Variants in CSMD1 observed in about 807,000 individuals in gnomAD.
CSMD1 encodes the protein CUB and Sushi multiple domains 1.
A neutral mutation model predicts 417.5 loss-of-function variants in CSMD1; 213 were observed. That is an observed-to-expected ratio of 0.51 (90% CI 0.46 to 0.57). CSMD1 has a LOEUF of 0.57. CSMD1 is among the 20% of genes least tolerant of loss of function. The probability of loss-of-function intolerance (pLI) is 0.00; values close to 1 mark genes in which losing one functional copy is unlikely to be tolerated. For synonymous variants in CSMD1, 2,862 were observed against 1,736.8 expected (o/e 1.65, Z -16.11); for missense variants, 6,923 against 4,529.7 (o/e 1.53, Z -15.17).
chr8:3,461,600 AG>A (rs909512809), intron 12 of CSMD1, among the ~76,000 whole-genome samples: 106 of 152,338 alleles, frequency 7.0e-4, no homozygotes, highest in African/African-American at 2.3e-3. Context: ...AGGAAGAGGA[AG>A]GGCCCCATGA....
rs529409564 is a variant in CSMD1 at position 4,969,244 on chromosome 8, A to T, written c.85+25088T>A. The stretch of plus-strand genomic sequence containing the variant: ...TGTACAACAAACCTAATGCTTAGTA[A>T]GTTAATGTTCTATAAGAATTACTTA... On this transcript the variant is annotated intron_variant, in intron 1 of 69. Coordinates refer to ENST00000635120, the MANE Select transcript of CSMD1 (RefSeq NM_033225.6). Among the ~76,000 whole-genome samples, 5 of 152,208 alleles carry T rather than the reference A, an allele frequency of 3.3e-5. No individual in the cohort carries two copies. The South Asian group carries it at 1.0e-3, about 32-fold the overall frequency.
intron 10 of CSMD1, among the ~76,000 whole-genome samples, chr8:3,521,855 T>C (rs1405175241): frequency 6.6e-6 from 1 of 152,228 alleles, no homozygotes; most frequent in African/African-American, 2.4e-5. Flanking sequence ...ATACTATCTA[T>C]TCTAATACCG....
intron 2 of CSMD1, among the ~76,000 whole-genome samples, chr8:4,596,749 CAT>C (rs1409509363): frequency 6.6e-6 from 1 of 152,168 alleles, no homozygotes; most frequent in Non-Finnish European, 1.5e-5. Context: ...GAAATACACA[CAT>C]GATATGGATT....
chr8:3,359,810 G>C (rs761599629), intron 20 of CSMD1, among the ~76,000 whole-genome samples: 2 of 152,104 alleles, frequency 1.3e-5, no homozygotes, highest in Non-Finnish European at 2.9e-5. Context: ...TAAGTATCTT[G>C]ATATGTTTGT....
At chr8:4,576,941 A>G (rs1227154293) in intron 2 of CSMD1, among the ~76,000 whole-genome samples, 3 of 152,232 alleles carry the variant, frequency 2.0e-5, no homozygotes, top group Admixed American at 6.5e-5. Context: ...TTATGTAGAA[A>G]TCCTCCAAGC....
chr8:4,207,710 G>A (rs537291504), intron 3 of CSMD1, among the ~76,000 whole-genome samples: 4 of 152,058 alleles, frequency 2.6e-5, no homozygotes, highest in Admixed American at 6.6e-5. Context: ...TTTTTCTGAT[G>A]AGTGTATTAA....
intron 23 of CSMD1, among the ~76,000 whole-genome samples, chr8:3,318,670 G>T (rs536294838): frequency 5.3e-5 from 8 of 152,260 alleles, no homozygotes; most frequent in Admixed American, 2.0e-4. Context: ...ATTATAGCAG[G>T]TGCATGACGA....
chr8:4,401,918 G>T (rs1804671253), intron 3 of CSMD1, among the ~76,000 whole-genome samples: 1 of 151,840 alleles, frequency 6.6e-6, no homozygotes, highest in South Asian at 2.1e-4. Flanking sequence ...TCCTCTTATT[G>T]AAGCCATCCA....
At chr8:4,023,118 G>T (rs1028497331) in intron 4 of CSMD1, among the ~76,000 whole-genome samples, 2 of 152,122 alleles carry the variant, frequency 1.3e-5, no homozygotes, top group South Asian at 4.1e-4. Flanking sequence ...GGATGTACAG[G>T]AGATGCACTC....
intron 5 of CSMD1, among the ~76,000 whole-genome samples, chr8:3,945,376 C>G (rs1811154216): frequency 6.6e-6 from 1 of 151,958 alleles, no homozygotes; most frequent in Non-Finnish European, 1.5e-5. Flanking sequence ...AGGTAACAAA[C>G]CTGCACAATA....
intron 2 of CSMD1, among the ~76,000 whole-genome samples, chr8:4,585,504 T>C (rs1162713685): frequency 1.3e-5 from 2 of 152,048 alleles, no homozygotes; most frequent in African/African-American, 2.4e-5. Flanking sequence ...ATGAAAGAAG[T>C]ATTTGAAGAG....
chr8:4,808,618 T>G (rs1015263468), intron 1 of CSMD1, among the ~76,000 whole-genome samples: 29 of 152,174 alleles, frequency 1.9e-4, no homozygotes, highest in Non-Finnish European at 2.9e-5. Flanking sequence ...AAAAATTAAA[T>G]AGAACACAGC....
intron 3 of CSMD1, among the ~76,000 whole-genome samples, chr8:4,070,373 T>C (rs1051960949): frequency 6.6e-6 from 1 of 152,196 alleles, no homozygotes; most frequent in East Asian, 1.9e-4. Flanking sequence ...CCTATAATGT[T>C]TTGAGACAGA....
At chr8:4,069,623 T>C (rs926202887) in intron 3 of CSMD1, among the ~76,000 whole-genome samples, 1 of 152,168 alleles carries the variant, frequency 6.6e-6, no homozygotes, top group Non-Finnish European at 1.5e-5. Context: ...CTGGCCTGTA[T>C]TCCCCTCAAG....
chr8:4,760,124 G>A (rs1359533126), intron 1 of CSMD1, among the ~76,000 whole-genome samples: 1 of 152,134 alleles, frequency 6.6e-6, no homozygotes, highest in African/African-American at 2.4e-5. Context: ...TGAGATCTAA[G>A]CATCTTAATG....
intron 3 of CSMD1, among the ~76,000 whole-genome samples, chr8:4,302,514 G>C (rs776249301): frequency 1.3e-5 from 2 of 152,118 alleles, no homozygotes; most frequent in Non-Finnish European, 2.9e-5. Flanking sequence ...TAGCGTGCTT[G>C]CATGTAGGAA....
chr8:3,935,437 G>C (rs1007659356), intron 5 of CSMD1, among the ~76,000 whole-genome samples: 1 of 152,112 alleles, frequency 6.6e-6, no homozygotes, highest in Non-Finnish European at 1.5e-5. Context: ...AAAAATTGAA[G>C]TTTCCTGGCA....
intron 3 of CSMD1, among the ~76,000 whole-genome samples, chr8:4,255,861 T>C (rs929430754): frequency 1.3e-5 from 2 of 152,190 alleles, no homozygotes; most frequent in African/African-American, 4.8e-5. Flanking sequence ...CTTCACAGAC[T>C]TTCCTTTCTA....
At chr8:3,574,290 G>C (rs1298937868) in intron 10 of CSMD1, among the ~76,000 whole-genome samples, 6 of 152,184 alleles carry the variant, frequency 3.9e-5, no homozygotes, top group African/African-American at 1.4e-4. Flanking sequence ...GCCCAGGCTG[G>C]AGTGCAGTGG....
Sources: gnomAD v4.1 joint callset for allele counts (sites outside exome capture counted in the v4.1 genomes callset) on GRCh38, gnomAD v4.1.1 for gene constraint, MANE v1.5 for transcripts, NCBI Gene and HGNC (gene_info 2026-07-23, HGNC 2026-07-21) for gene names.